Variants in SNTG2 observed in about 807,000 individuals in gnomAD.
SNTG2 encodes the protein syntrophin gamma 2.
SNTG2 carries 74 observed loss-of-function variants against 70.9 expected under a neutral mutation model. The observed-to-expected ratio is 1.04, with a 90% CI of 0.86 to 1.27. The LOEUF (loss-of-function observed/expected upper bound fraction) is 1.27. Ranked by LOEUF, SNTG2 falls within the 50% of genes most tolerant of loss-of-function variation. The pLI is 0.00. For missense variants in SNTG2, 717 were observed against 690.7 expected (o/e 1.04, Z -0.43); for synonymous variants, 278 against 273.8 (o/e 1.02, Z -0.15).
intron 8 of SNTG2, among the ~76,000 whole-genome samples, chr2:1,183,367 CAGG>C (rs1215823527): frequency 4.6e-5 from 7 of 151,964 alleles, no homozygotes; most frequent in Non-Finnish European, 8.8e-5. Flanking sequence ...GGTGTCTGCT[CAGG>C]AGTGCAGTTT....
At chr2:1,168,973 G>T (rs1434881336) in intron 7 of SNTG2, among the ~76,000 whole-genome samples, 2 of 152,148 alleles carry the variant, frequency 1.3e-5, no homozygotes, top group Non-Finnish European at 2.9e-5. Context: ...GAGAAACGTT[G>T]CTGTGAGTTG....
At chr2:1,222,027 GCCTATCTCTGTC>G (rs1675102518) in intron 9 of SNTG2, among the ~76,000 whole-genome samples, 1 of 5,986 alleles carries the variant, frequency 1.7e-4, no homozygotes, top group Admixed American at 3.0e-3. Context: ...CTCTGTCTCT[GCCTATCTCTGTC>G]TCTCTCTGTC....
At chr2:1,194,712 G>T (rs1047287911) in intron 8 of SNTG2, among the ~76,000 whole-genome samples, 1 of 152,096 alleles carries the variant, frequency 6.6e-6, no homozygotes, top group Admixed American at 6.5e-5. Context: ...GGCTTATTTT[G>T]TCTGCTGATC....
intron 1 of SNTG2, among the ~76,000 whole-genome samples, chr2:968,871 TAATTAGGTCCTATTTGTC>T (rs1265168586): frequency 2.6e-5 from 4 of 152,242 alleles, no homozygotes; most frequent in Non-Finnish European, 5.9e-5. Context: ...CTCTTTAGTT[TAATTAGGTCCTATTTGTC>T]AATGTTTGGT....
chr2:1,201,083 G>T (rs1278366424), intron 8 of SNTG2, among the ~76,000 whole-genome samples: 1 of 151,898 alleles, frequency 6.6e-6, no homozygotes, highest in East Asian at 1.9e-4. Context: ...TATATCAAAG[G>T]GATACCTGTA....
At chr2:1,207,978 C>G (rs1673753056) in intron 8 of SNTG2, among the ~76,000 whole-genome samples, 1 of 152,186 alleles carries the variant, frequency 6.6e-6, no homozygotes, top group African/African-American at 2.4e-5. Context: ...TACGAACAAG[C>G]AAGTATGAAA....
At chr2:1,361,907 A>AG in intron 16 of SNTG2, among the ~76,000 whole-genome samples, 1 of 94,418 alleles carries the variant, frequency 1.1e-5, no homozygotes, top group African/African-American at 3.8e-5. Context: ...AACTTCCATG[A>AG]AGGTCACCAA....
chr2:1,117,361 T>A (rs1667082272), intron 4 of SNTG2, among the ~76,000 whole-genome samples: 1 of 152,172 alleles, frequency 6.6e-6, no homozygotes, highest in Non-Finnish European at 1.5e-5. Context: ...ATTAATACAC[T>A]GCAAAATATC....
At chr2:1,359,971 C>G (rs939927705) in intron 16 of SNTG2, among the ~76,000 whole-genome samples, 3 of 152,050 alleles carry the variant, frequency 2.0e-5, no homozygotes, top group African/African-American at 7.3e-5. Flanking sequence ...AACTAAAGCT[C>G]AATTTATTCA....
intron 14 of SNTG2, among the ~76,000 whole-genome samples, chr2:1,297,185 C>T (rs1224726919): frequency 6.6e-6 from 1 of 152,200 alleles, no homozygotes; most frequent in African/African-American, 2.4e-5. Flanking sequence ...GCCTCAGGTT[C>T]CCTCCCACCT....
At chr2:1,157,521 C>T (rs1669984340) in intron 6 of SNTG2, among the ~76,000 whole-genome samples, 1 of 152,194 alleles carries the variant, frequency 6.6e-6, no homozygotes, top group African/African-American at 2.4e-5. Context: ...TGTGCACGTC[C>T]CTCACATCCA....
chr2:1,028,643 C>G (rs1660635114), intron 1 of SNTG2, among the ~76,000 whole-genome samples: 1 of 152,140 alleles, frequency 6.6e-6, no homozygotes, highest in Non-Finnish European at 1.5e-5. Context: ...TTATGCTTTA[C>G]TCGAAAAGAC....
intron 14 of SNTG2, among the ~76,000 whole-genome samples, chr2:1,307,117 T>G (rs1680718213): frequency 6.8e-6 from 1 of 148,094 alleles, no homozygotes; most frequent in Admixed American, 6.7e-5. Flanking sequence ...GTGTGGTGTG[T>G]GAGCCATGTG....
intron 14 of SNTG2, among the ~76,000 whole-genome samples, chr2:1,273,836 T>C (rs1451605112): frequency 6.6e-6 from 1 of 151,988 alleles, no homozygotes; most frequent in Non-Finnish European, 1.5e-5. Context: ...CAACTATTAT[T>C]TGAAAAACAC....
In SNTG2 at chr2:1,138,031, G is replaced by A. The variant is rs190866465; in HGVS notation, c.411+222G>A. ...GCACTTCACGAGCATTCCTGTCAGG[G>A]ATCCTCACAAACGCTGTAAAATACA... On this transcript the variant is annotated intron_variant, in intron 6 of 16. Transcript: ENST00000308624. Among the ~76,000 whole-genome samples the A allele has an allele frequency of 2.0e-4, 30 of 152,322 alleles. No individual in the cohort carries two copies. In the Middle Eastern group the frequency reaches 0.024, roughly 121 times the overall value.
chr2:1,237,742 T>C, intron 9 of SNTG2, 146 bp from the exon 10 acceptor site: 1 of 966,006 alleles, frequency 1.0e-6, no homozygotes, highest in Non-Finnish European at 1.5e-6. Flanking sequence ...GCCTGCTGAC[T>C]GTACTGAGGC....
intron 14 of SNTG2, among the ~76,000 whole-genome samples, chr2:1,286,135 G>C (rs1028737472): frequency 2.0e-5 from 3 of 152,094 alleles, no homozygotes; most frequent in Non-Finnish European, 4.4e-5. Context: ...CTGGTGGCAG[G>C]GTTCCTCCTT....
intron 1 of SNTG2, among the ~76,000 whole-genome samples, chr2:1,031,528 A>ATATATATATATATATATATT: frequency 3.4e-5 from 2 of 59,122 alleles, no homozygotes; most frequent in Admixed American, 2.1e-4. Flanking sequence ...ATATATATAT[A>ATATATATATATATATATATT]TTTTTTTTTT....
intron 16 of SNTG2, among the ~76,000 whole-genome samples, chr2:1,332,196 T>A (rs565828216): frequency 3.3e-4 from 50 of 152,358 alleles, no homozygotes; most frequent in African/African-American, 1.2e-3. Context: ...AAGTTATCCC[T>A]GTTAATTTTG....
Sources: gnomAD v4.1 joint callset for allele counts (sites outside exome capture counted in the v4.1 genomes callset) on GRCh38, gnomAD v4.1.1 for gene constraint, MANE v1.5 for transcripts, NCBI Gene and HGNC (gene_info 2026-07-23, HGNC 2026-07-21) for gene names.